LATS2: variants seen among roughly 807,000 people sequenced by gnomAD.
LATS2 encodes large tumor suppressor kinase 2.
In LATS2, 24 loss-of-function variants were observed where a neutral mutation model predicts 76.0. The observed-to-expected ratio is 0.32, with a 90% CI of 0.23 to 0.44. The LOEUF (loss-of-function observed/expected upper bound fraction) is 0.44, where lower values mean the gene tolerates loss of function less well. Ranked by LOEUF, LATS2 falls within the 20% of genes least tolerant of loss-of-function variation. The pLI, the probability that LATS2 is intolerant of heterozygous loss-of-function variation, is 1.00. For missense variants in LATS2, 1,286 were observed against 1,481.2 expected (o/e 0.87, Z 2.16); for synonymous variants, 692 against 635.4 (o/e 1.09, Z -1.34).
At chr13:21,019,668 CAAA>C (rs1281059777) in intron 2 of LATS2, among the ~76,000 whole-genome samples, 1,597 of 86,586 alleles carry the variant, frequency 0.018, 37 homozygotes, top group African/African-American at 0.059. Flanking sequence ...TTTAATCTCT[CAAA>C]AAAAAAAAAA....
chr13:21,042,143 GT>G (rs1872899825), intron 2 of LATS2, among the ~76,000 whole-genome samples: 2 of 152,022 alleles, frequency 1.3e-5, no homozygotes, highest in South Asian at 2.1e-4. Flanking sequence ...TAGTGGCCTA[GT>G]TTTTTTCTAC....
intron 2 of LATS2, among the ~76,000 whole-genome samples, chr13:21,035,576 C>T (rs564731829): frequency 6.6e-6 from 1 of 152,304 alleles, no homozygotes; most frequent in African/African-American, 2.4e-5. Context: ...CATGAGTTCC[C>T]GCCTAGATCT....
At chr13:20,977,385 CAAA>C (rs112150926) in intron 7 of LATS2, among the ~76,000 whole-genome samples, 13 of 81,808 alleles carry the variant, frequency 1.6e-4, no homozygotes, top group Non-Finnish European at 1.9e-4. Flanking sequence ...AACCCTGTCT[CAAA>C]AAAAAAAAAA....
intron 2 of LATS2, among the ~76,000 whole-genome samples, chr13:21,015,150 G>A (rs1259541900): frequency 1.3e-5 from 2 of 152,230 alleles, no homozygotes; most frequent in Non-Finnish European, 2.9e-5. Context: ...TCTTGGTCCA[G>A]TAATATTTAG....
In LATS2 at chr13:20,988,734, G is replaced by A; in HGVS notation, c.1046C>T (p.Thr349Ile). 1 of 1,569,994 alleles carries A rather than the reference G, an allele frequency of 6.4e-7. No homozygotes were observed. Among genetic ancestry groups the A allele is most frequent in the Non-Finnish European group, 8.6e-7 (1 of 1,164,906 alleles). The change falls in exon 4 of 8, where the codon ACT becomes ATT. Residue 349 changes from threonine to isoleucine, a missense_variant. Around this residue, in one of 5 missense-constraint regions of LATS2, gnomAD observed 710 missense variants for 660.9 expected, o/e 1.07. Transcript: ENST00000382592. Reference sequence around the variant, plus strand: ...CACGTTGAGGCTGTTCCGCGAGGGAGTGAGCAGGCTCTGCGGGGGGCTGTC... The same window carrying A: ...CACGTTGAGGCTGTTCCGCGAGGGAATGAGCAGGCTCTGCGGGGGGCTGTC... The part of the protein sequence containing the change: ...ASDSPPQSLL[T>I]PSRNSLNVDL...
In LATS2 at chr13:21,045,789, T is replaced by C; in HGVS notation, c.238A>G (p.Ile80Val). Residue 80 changes from isoleucine to valine, a missense_variant, in exon 2 of 8, where the codon ATC becomes GTC. Ile to Val is a conservative substitution (Grantham distance 29, BLOSUM62 3). Transcript: ENST00000382592. Reference sequence around the variant, plus strand: ...GCAAAAGGCAACAAGGAATATCTGATTTCCCTCAAGGCTTTCTGATAAGGT... The same window carrying C: ...GCAAAAGGCAACAAGGAATATCTGACTTCCCTCAAGGCTTTCTGATAAGGT... ...FGPYQKALRE[I>V]RYSLLPFANE... 6.2e-7 allele frequency: 1 copy of C among 1,614,252 alleles called. No homozygotes were observed. Among genetic ancestry groups the C allele is most frequent in the South Asian group, 1.1e-5 (1 of 91,090 alleles).
intron 5 of LATS2, among the ~76,000 whole-genome samples, chr13:20,982,521 G>A (rs1376777035): frequency 6.6e-6 from 1 of 152,032 alleles, no homozygotes; most frequent in Non-Finnish European, 1.5e-5. Flanking sequence ...ACGTTGGTCA[G>A]GCTGGTCTCG....
At chr13:21,051,686 C>T (rs1325727519) in intron 1 of LATS2, among the ~76,000 whole-genome samples, 1 of 152,116 alleles carries the variant, frequency 6.6e-6, no homozygotes, top group Non-Finnish European at 1.5e-5. Context: ...AGGCTGGGTC[C>T]AGTGGCTCAC....
chr13:21,007,545 GTATATATATATA>G lies in LATS2; in HGVS notation c.343-16153_343-16142del, dbSNP rs71090549. ...CGTAGGGGATGGATATATATATATA[GTATATATATATA>G]TATATATATATATATATATATATAT... On this transcript the variant is annotated intron_variant, in intron 2 of 7. Coordinates refer to ENST00000382592, the MANE Select transcript of LATS2 (RefSeq NM_014572.3). Among the ~76,000 whole-genome samples, 29 of 3,610 alleles carry G rather than the reference GTATATATATATA, an allele frequency of 8.0e-3. 1 individual carries two copies. Among genetic ancestry groups the G allele is most frequent in the South Asian group, 0.013 (1 of 78 alleles). 2.4% of individuals were successfully genotyped at this position (3,610 alleles called of 152,430 possible). A position where few individuals can be genotyped will look rare whatever the true frequency, so the allele number is the denominator to read the frequency against.
At chr13:21,006,697 C>T (rs1871278836) in intron 2 of LATS2, among the ~76,000 whole-genome samples, 1 of 152,238 alleles carries the variant, frequency 6.6e-6, no homozygotes, top group South Asian at 2.1e-4. Flanking sequence ...TCAAAAAGAT[C>T]CACTTACTCG....
chr13:21,007,687 A>AGTG (rs1373140691), intron 2 of LATS2, among the ~76,000 whole-genome samples: 1 of 556 alleles, frequency 1.8e-3, no homozygotes, highest in African/African-American at 2.4e-3. Context: ...TATATAGTAT[A>AGTG]TATATATATA....
intron 7 of LATS2, among the ~76,000 whole-genome samples, chr13:20,977,580 CTA>C (rs1869679502): frequency 6.7e-6 from 1 of 149,814 alleles, no homozygotes; most frequent in African/African-American, 2.5e-5. Flanking sequence ...GAATTATACA[CTA>C]AAATAATTAA....
intron 1 of LATS2, among the ~76,000 whole-genome samples, chr13:21,055,950 C>T (rs1293947366): frequency 6.6e-6 from 1 of 152,220 alleles, no homozygotes; most frequent in East Asian, 1.9e-4. Flanking sequence ...AGGGCTACCT[C>T]TCATAATGAG....
rs1197135712 is a variant in LATS2, at chr13:20,987,909, C to T, written c.1871G>A (p.Arg624Lys). 6.2e-7 allele frequency: 1 copy of T among 1,613,228 alleles called. No individual in the cohort carries two copies. The highest frequency in any genetic ancestry group is 8.5e-7 in the Non-Finnish European group (1 of 1,179,436). ...GGCCATTTCTTGCTCCAGCTGCAGCCTCCGGTTAACCTTCTGCTGGTAGGT... is the reference window on the plus strand; with the variant it reads ...GGCCATTTCTTGCTCCAGCTGCAGCTTCCGGTTAACCTTCTGCTGGTAGGT... ...IKTYQQKVNRRLQLEQEMAKA... is the reference protein window; with the variant it reads ...IKTYQQKVNRKLQLEQEMAKA... Residue 624 changes from arginine to lysine, a missense_variant, in exon 4 of 8, where the codon AGG becomes AAG. Transcript: ENST00000382592.
At chr13:20,978,322 A>C (rs1869719820) in intron 7 of LATS2, among the ~76,000 whole-genome samples, 1 of 152,036 alleles carries the variant, frequency 6.6e-6, no homozygotes, top group African/African-American at 2.4e-5. Flanking sequence ...AATTCCAAGG[A>C]CTGTGTGTCA....
intron 4 of LATS2, among the ~76,000 whole-genome samples, chr13:20,986,916 G>T (rs1443187295): frequency 6.6e-6 from 1 of 152,150 alleles, no homozygotes; most frequent in East Asian, 1.9e-4. Flanking sequence ...TAAACGGCTG[G>T]GTGTGGTGGC....
intron 1 of LATS2, among the ~76,000 whole-genome samples, chr13:21,057,277 T>G (rs1348758951): frequency 6.6e-6 from 1 of 152,206 alleles, no homozygotes; most frequent in African/African-American, 2.4e-5. Flanking sequence ...ATTTTTTCAT[T>G]TTTCTCCCAG....
chr13:21,059,912 C>T (rs1203346178), intron 1 of LATS2, among the ~76,000 whole-genome samples: 2 of 152,072 alleles, frequency 1.3e-5, no homozygotes, highest in African/African-American at 2.4e-5. Context: ...TTGCAGTGAG[C>T]CGAGATCGCG....
chr13:21,056,064 G>A (rs1041641002), intron 1 of LATS2, among the ~76,000 whole-genome samples: 1 of 152,174 alleles, frequency 6.6e-6, no homozygotes, highest in African/African-American at 2.4e-5. Flanking sequence ...AGGCCTCAGA[G>A]AATTTGGCAT....
Sources: allele counts gnomAD v4.1 joint callset (sites outside exome capture counted in the v4.1 genomes callset), GRCh38; gene constraint gnomAD v4.1.1; regional missense constraint gnomAD v4.1.1; transcripts MANE v1.5; gene names NCBI Gene and HGNC (gene_info 2026-07-23, HGNC 2026-07-21).